Variants in KDM2B observed in about 807,000 individuals in gnomAD.
The protein encoded by KDM2B is lysine demethylase 2B.
KDM2B carries 26 observed loss-of-function variants against 150.0 expected under a neutral mutation model. That is an observed-to-expected ratio of 0.17 (90% CI 0.13 to 0.24). The LOEUF (loss-of-function observed/expected upper bound fraction) is 0.24. Among genes scored for constraint, KDM2B ranks in the 10% least tolerant of loss-of-function variants. The pLI, the probability that KDM2B is intolerant of heterozygous loss-of-function variation, is 1.00. For missense variants in KDM2B, 1,265 were observed against 1,816.9 expected (o/e 0.70, Z 5.52); for synonymous variants, 734 against 729.5 (o/e 1.01, Z -0.10).
chr12:121,421,867 C>T, the KDM2B span, among the ~76,000 whole-genome samples: 1 of 152,132 alleles, frequency 6.6e-6, no homozygotes, highest in South Asian at 2.1e-4. Flanking sequence ...CTTTTATCAT[C>T]TTGAGTTTTG....
chr12:121,536,049 A>G (rs554163686), intron 6 of KDM2B: 2 of 985,632 alleles, frequency 2.0e-6, no homozygotes, highest in East Asian at 1.1e-4. Flanking sequence ...TTGCCTTTCC[A>G]TGGTTTGGGG....
At chr12:121,534,756 G>T in intron 6 of KDM2B, 166 bp from the exon 7 acceptor site, 1 of 583,790 alleles carries the variant, frequency 1.7e-6, no homozygotes, top group Non-Finnish European at 3.0e-6. Context: ...AGTTCCCCAC[G>T]GGGGAAGCCC....
At chr12:121,418,030 CT>C in the KDM2B span, 7 of 1,056,444 alleles carry the variant, frequency 6.6e-6, no homozygotes, top group Non-Finnish European at 6.9e-6. Flanking sequence ...TGGAGTGAAG[CT>C]TCCACACCCA....
chr12:121,456,147 C>T (rs1878199997), intron 12 of KDM2B, among the ~76,000 whole-genome samples: 1 of 152,218 alleles, frequency 6.6e-6, no homozygotes, highest in African/African-American at 2.4e-5. Context: ...CAGCATGATG[C>T]GTGGACTCCG....
At chr12:121,448,734 G>C (rs1593779009) in intron 13 of KDM2B, among the ~76,000 whole-genome samples, 3 of 152,230 alleles carry the variant, frequency 2.0e-5, no homozygotes. Flanking sequence ...AGGCAAGGCA[G>C]TCATCGTTCC....
the KDM2B span, among the ~76,000 whole-genome samples, chr12:121,408,921 T>C: frequency 6.6e-6 from 1 of 150,620 alleles, no homozygotes; most frequent in African/African-American, 2.4e-5. Flanking sequence ...CAATCTGTGG[T>C]AAAAAGGAAA....
intron 12 of KDM2B, among the ~76,000 whole-genome samples, chr12:121,458,229 AG>A (rs1878560625): frequency 1.3e-5 from 2 of 151,920 alleles, no homozygotes; most frequent in African/African-American, 4.8e-5. Context: ...TAAAAAGACT[AG>A]CTGAGTGTGC....
intron 6 of KDM2B, 59 bp downstream of exon 6, chr12:121,548,818 A>C (rs1594103261): frequency 7.4e-7 from 1 of 1,347,092 alleles, no homozygotes; most frequent in Non-Finnish European, 1.1e-6. Context: ...CCACCTCCCC[A>C]CCTCCCCAAG....
At chr12:121,486,971 G>A (rs1882833488) in intron 12 of KDM2B, among the ~76,000 whole-genome samples, 1 of 151,186 alleles carries the variant, frequency 6.6e-6, no homozygotes, top group African/African-American at 2.4e-5. Flanking sequence ...AGACCCCCCC[G>A]ATACAAAAAA....
At chr12:121,460,484 G>C (rs1393341021) in intron 12 of KDM2B, among the ~76,000 whole-genome samples, 1 of 152,148 alleles carries the variant, frequency 6.6e-6, no homozygotes, top group African/African-American at 2.4e-5. Context: ...CCGCAGCCTC[G>C]ACTTCCCAGG....
intron 4 of KDM2B, among the ~76,000 whole-genome samples, chr12:121,554,465 C>T (rs191354339): frequency 6.6e-6 from 1 of 151,750 alleles, no homozygotes; most frequent in East Asian, 1.9e-4. Flanking sequence ...AGTGCGATGG[C>T]GATGGCGCGA....
chr12:121,456,760 C>A (rs903181164), intron 12 of KDM2B, among the ~76,000 whole-genome samples: 6 of 152,192 alleles, frequency 3.9e-5, no homozygotes, highest in African/African-American at 1.4e-4. Context: ...AACCAAAGCA[C>A]CTTCTCATCC....
rs1566244697 is a variant in KDM2B at position 121,430,594 on chromosome 12, T to G, written c.3830-125A>C. ...CTACATATTCCAGTCCCTGCTGTGC[T>G]GCACTAAATAAAATGTTATTTGCTT... is the stretch of plus-strand genomic sequence containing the variant. On this transcript the variant is annotated intron_variant, in intron 22 of 22. Coordinates refer to ENST00000377071, the MANE Select transcript of KDM2B (RefSeq NM_032590.5). The surrounding 1 kb of genome is among the most constrained non-coding windows in gnomAD (Gnocchi z 4.4). 6 of 682,604 alleles carry G rather than the reference T, an allele frequency of 8.8e-6. No homozygotes were observed. The highest frequency in any genetic ancestry group is 1.6e-5 in the Non-Finnish European group (6 of 383,456). 42.3% of individuals were successfully genotyped at this position (682,604 alleles called of 1,614,324 possible). A position where few individuals can be genotyped will look rare whatever the true frequency, so the allele number is the denominator to read the frequency against.
At chr12:121,417,387 G>C in the KDM2B span, 2 of 773,990 alleles carry the variant, frequency 2.6e-6, no homozygotes, top group Non-Finnish European at 4.1e-6. This position sits in a 1 kb window ranked among gnomAD's most constrained non-coding sequence, Gnocchi z 5.0. Flanking sequence ...AAATAGTCTG[G>C]TGCCACTGGG....
intron 4 of KDM2B, among the ~76,000 whole-genome samples, chr12:121,566,996 C>T (rs1566427394): frequency 1.3e-5 from 2 of 151,960 alleles, no homozygotes; most frequent in Non-Finnish European, 2.9e-5. Flanking sequence ...ATTCTCCTGC[C>T]TCAGCCTCCT....
At chr12:121,484,589 G>A (rs1219820805) in intron 12 of KDM2B, among the ~76,000 whole-genome samples, 2 of 152,088 alleles carry the variant, frequency 1.3e-5, no homozygotes, top group African/African-American at 4.8e-5. Flanking sequence ...AGGTCAAGGT[G>A]GGAGGATCAC....
intron 12 of KDM2B, among the ~76,000 whole-genome samples, chr12:121,481,680 G>C (rs1555297890): frequency 6.6e-6 from 1 of 152,124 alleles, no homozygotes; most frequent in Admixed American, 6.6e-5. Flanking sequence ...ATCGGTTATA[G>C]TACCTGCGTG....
chr12:121,483,792 C>T (rs1380750798), intron 12 of KDM2B, among the ~76,000 whole-genome samples: 3 of 152,064 alleles, frequency 2.0e-5, no homozygotes, highest in African/African-American at 4.8e-5. Flanking sequence ...AGTGTGGAAG[C>T]GCGTCAGCCA....
At chr12:121,421,371 T>TACAAAAAAAA in the KDM2B span, among the ~76,000 whole-genome samples, 20 of 46,370 alleles carry the variant, frequency 4.3e-4, 4 homozygotes, top group African/African-American at 1.2e-3. Context: ...ATCCCATCTC[T>TACAAAAAAAA]AAAAAAAAAA....
Sources: gnomAD v4.1 joint callset for allele counts (sites outside exome capture counted in the v4.1 genomes callset) on GRCh38, gnomAD v4.1.1 for gene constraint, Gnocchi (gnomAD v3.1) non-coding constraint, MANE v1.5 for transcripts, NCBI Gene and HGNC (gene_info 2026-07-23, HGNC 2026-07-21) for gene names.